FH: variants seen among roughly 807,000 people sequenced by gnomAD.
FH encodes the protein fumarate hydratase, also known as fumarate hydratase, mitochondrial.
Under a neutral mutation model 49.4 loss-of-function variants are expected in FH, and 22 were observed. The observed-to-expected ratio is 0.45, with a 90% CI of 0.32 to 0.64. The LOEUF (loss-of-function observed/expected upper bound fraction) is 0.64. Among genes scored for constraint, FH ranks in the 30% least tolerant of loss-of-function variants. FH has a pLI of 0.05. For missense variants in FH, 526 were observed against 641.5 expected (o/e 0.82, Z 1.95); for synonymous variants, 208 against 223.0 (o/e 0.93, Z 0.60).
intron 1 of FH, 92 bp downstream of exon 1, chr1:241,519,499 A>G: frequency 7.0e-7 from 1 of 1,432,874 alleles, no homozygotes; most frequent in Non-Finnish European, 9.3e-7. Flanking sequence ...CGCCCGGGGA[A>G]TCTCTCCCGC....
At chr1:241,510,600 C>T (rs935558212) in intron 4 of FH, among the ~76,000 whole-genome samples, 1 of 152,050 alleles carries the variant, frequency 6.6e-6, no homozygotes, top group African/African-American at 2.4e-5. Flanking sequence ...TATTAAAACA[C>T]CATGGAAGTA....
intron 2 of FH, among the ~76,000 whole-genome samples, chr1:241,514,552 G>A (rs1429201799): frequency 1.3e-5 from 2 of 152,092 alleles, no homozygotes; most frequent in Admixed American, 1.3e-4. Context: ...GGTTTGAATG[G>A]GGAAAGAGTA....
At chr1:241,512,939 A>G (rs11810810) in intron 3 of FH, among the ~76,000 whole-genome samples, 39,961 of 145,578 alleles carry the variant, frequency 0.27, 6,390 homozygotes, top group Non-Finnish European at 0.37. Context: ...GTGTGTGTGT[A>G]TATGAGAAAC....
At chr1:241,519,520 GCGCCCAGGC>G in intron 1 of FH, 62 bp downstream of exon 1, 1 of 1,497,194 alleles carries the variant, frequency 6.7e-7, no homozygotes, top group South Asian at 1.2e-5. Flanking sequence ...CAAGTCGCGG[GCGCCCAGGC>G]CGGCAGGCAG....
At chr1:241,516,705 T>G (rs1573888068) in intron 2 of FH, among the ~76,000 whole-genome samples, 1 of 151,624 alleles carries the variant, frequency 6.6e-6, no homozygotes, top group Non-Finnish European at 1.5e-5. Context: ...CAGGCTGGAG[T>G]GCAGTGGTGC....
Position 241,500,320 on chromosome 1 carries a change from A to G in FH, c.1390+117T>C, listed in dbSNP as rs567051366. The G allele has an allele frequency of 7.1e-5, 70 of 987,270 alleles. No homozygotes were observed. In the African/African-American group the frequency reaches 8.2e-4, roughly 12 times the overall value. The allele number at this position is 987,270 out of a possible 1,614,324, so 61.2% of individuals were successfully genotyped here. A position where few individuals can be genotyped will look rare whatever the true frequency, so the allele number is the denominator to read the frequency against. ...ATTTCAAATATTTTGAGATTTTACT[A>G]AAACCATATTCAAAAGAAATTTGCT... On this transcript the variant is annotated intron_variant, in intron 9 of 9. Coordinates refer to ENST00000366560, the MANE Select transcript of FH (RefSeq NM_000143.4).
At chr1:241,500,010 A>G (rs1218719384) in intron 9 of FH, among the ~76,000 whole-genome samples, 1 of 152,236 alleles carries the variant, frequency 6.6e-6, no homozygotes, top group Non-Finnish European at 1.5e-5. Context: ...TCTGAATTGA[A>G]TAAAACAACA....
At position 241,519,679 on chromosome 1, in the gene FH, A is replaced by ACGAGGGGACGCGAGCGCG. The variant is rs1395036789; in HGVS notation, c.26_43dup (p.Ala9_Leu14dup). 9 of 1,547,278 alleles carry ACGAGGGGACGCGAGCGCG rather than the reference A, an allele frequency of 5.8e-6. No homozygotes were observed. In the African/African-American group the frequency reaches 9.6e-5, roughly 17 times the overall value. On this transcript the variant is annotated inframe_insertion, in exon 1 of 10. Transcript: ENST00000366560. ...AGCTAAGGCTGCGGCTGGAGCCCGCACGAGGGGACGCGAGCGCGCGAGGAG... is the reference window on the plus strand; with the variant it reads ...AGCTAAGGCTGCGGCTGGAGCCCGCACGAGGGGACGCGAGCGCGCGAGGGGACGCGAGCGCGCGAGGAG...
intron 9 of FH, 149 bp from the exon 10 acceptor site, chr1:241,498,119 T>C: frequency 1.4e-6 from 1 of 719,158 alleles, no homozygotes; most frequent in South Asian, 1.6e-5. Context: ...ACAGTGATTA[T>C]CTCAATAATC....
Position 241,500,598 on chromosome 1 carries a change from T to TGAGTGA in FH, c.1237-14_1237-9dup, listed in dbSNP as rs779985493. 1.1e-4 allele frequency: 161 copies of TGAGTGA among 1,411,626 alleles called. No homozygotes were observed. In the East Asian group the frequency reaches 3.0e-3, roughly 26 times the overall value. The allele number at this position is 1,411,626 out of a possible 1,614,324, so 87.4% of individuals were successfully genotyped here. ...GTGTAACACATTTTTAATCTTTGAG[T>TGAGTGA]GAGTGAGAGAGAGAGAGAGAGAGAG... is the stretch of plus-strand genomic sequence containing the variant. On this transcript the variant is annotated splice_polypyrimidine_tract_variant and intron_variant, in intron 8 of 9. Coordinates refer to ENST00000366560, the MANE Select transcript of FH (RefSeq NM_000143.4).
chr1:241,518,799 A>G (rs1164200565), intron 1 of FH, among the ~76,000 whole-genome samples: 2 of 152,236 alleles, frequency 1.3e-5, no homozygotes, highest in Non-Finnish European at 2.9e-5. Context: ...ATTCCTAAAG[A>G]TGACACTCTA....
rs2147919643 is a variant in FH, at chr1:241,508,738, T to C, written c.603A>G (p.Ile201Met). 1 of 1,613,968 alleles carries C rather than the reference T, an allele frequency of 6.2e-7. No individual in the cohort carries two copies. The highest frequency in any genetic ancestry group is 8.5e-7 in the Non-Finnish European group (1 of 1,179,858). The change falls in exon 5 of 10, where the codon ATA (isoleucine) becomes ATG (methionine). Residue 201 changes from isoleucine to methionine, a missense_variant. By Grantham distance (10) the Ile-to-Met change is conservative. This residue lies in a region of FH where 383 missense variants were observed against 514.0 expected (regional missense o/e 0.75). Transcript: ENST00000366560. Reference protein sequence around the residue: ...FPTAMHIAAAIEVHEVLLPGL... With the variant: ...FPTAMHIAAAMEVHEVLLPGL... ...CTGGTAACAGTACTTCATGAACTTC[T>C]ATTGCAGCAGCAATGTGCATTGCTG...
intron 3 of FH, among the ~76,000 whole-genome samples, chr1:241,513,339 CA>C (rs1406888277): frequency 4.6e-5 from 7 of 151,964 alleles, no homozygotes; most frequent in African/African-American, 7.2e-5. Context: ...GATATCTTTT[CA>C]AAAAATTTTC....
At chr1:241,505,876 A>C in intron 6 of FH, 127 bp downstream of exon 6, 1 of 917,132 alleles carries the variant, frequency 1.1e-6, no homozygotes, top group Non-Finnish European at 1.7e-6. Context: ...CTTAAAACAC[A>C]TGTTTGATGG....
At chr1:241,516,507 C>T (rs919597207) in intron 2 of FH, among the ~76,000 whole-genome samples, 2 of 151,816 alleles carry the variant, frequency 1.3e-5, no homozygotes, top group African/African-American at 4.8e-5. Flanking sequence ...GGCCTGTGGG[C>T]GGAGGGGGAG....
Position 241,519,584 on chromosome 1 carries a change from C to A in FH, c.132+7G>T, listed in dbSNP as rs1006041574. On this transcript the variant is annotated splice_region_variant and intron_variant, in intron 1 of 9. Transcript: ENST00000366560. Reference sequence around the variant, plus strand: ...GGGGAGGCCGGGGGATGGCGGCCTGCGCTCACCATTCGAGCCGCGTTCGGA... The same window carrying A: ...GGGGAGGCCGGGGGATGGCGGCCTGAGCTCACCATTCGAGCCGCGTTCGGA... 1 of 1,546,968 alleles carries A rather than the reference C, an allele frequency of 6.5e-7. No individual in the cohort carries two copies. Among genetic ancestry groups the A allele is most frequent in the Non-Finnish European group, 8.7e-7 (1 of 1,146,072 alleles).
intron 6 of FH, 152 bp from the exon 7 acceptor site, chr1:241,504,397 A>G (rs1222068706): frequency 2.7e-6 from 2 of 751,388 alleles, no homozygotes; most frequent in Admixed American, 5.3e-5. Flanking sequence ...TTTTGTCTAC[A>G]TTTTTAAAAG....
chr1:241,504,664 A>G (rs1659867670), intron 6 of FH, among the ~76,000 whole-genome samples: 1 of 151,910 alleles, frequency 6.6e-6, no homozygotes, highest in East Asian at 1.9e-4. Context: ...CTGGTCTCAA[A>G]CTCCTAGGCT....
intron 8 of FH, 41 bp from the exon 9 acceptor site, chr1:241,500,631 G>GAGAA: frequency 6.2e-7 from 1 of 1,607,814 alleles, no homozygotes; most frequent in South Asian, 1.1e-5. Flanking sequence ...GAGAGAGAGA[G>GAGAA]AGAGAGAGAC....
Sources: allele counts gnomAD v4.1 joint callset (sites outside exome capture counted in the v4.1 genomes callset), GRCh38; gene constraint gnomAD v4.1.1; regional missense constraint gnomAD v4.1.1; transcripts MANE v1.5; gene names NCBI Gene and HGNC (gene_info 2026-07-23, HGNC 2026-07-21).